The following SYCP1 variants were observed in gnomAD, a reference collection of about 807,000 sequenced individuals.
SYCP1 encodes the protein cancer/testis antigen 8.
Under a neutral mutation model 153.1 loss-of-function variants are expected in SYCP1, and 64 were observed. The observed-to-expected ratio is 0.42, with a 90% CI of 0.34 to 0.51. The LOEUF (loss-of-function observed/expected upper bound fraction) is 0.51. Among genes scored for constraint, SYCP1 ranks in the 20% least tolerant of loss-of-function variants. The pLI is 0.06. For synonymous variants in SYCP1, 384 were observed against 341.8 expected (o/e 1.12, Z -1.36); for missense variants, 997 against 1,049.0 (o/e 0.95, Z 0.68).
At chr1:114,972,834 C>T (rs1488377966) in intron 27 of SYCP1, among the ~76,000 whole-genome samples, 2 of 152,098 alleles carry the variant, frequency 1.3e-5, no homozygotes, top group African/African-American at 4.8e-5. Context: ...GTCCTTAAGA[C>T]TGATTCATGT....
chr1:114,931,268 T>C (rs1371574016), intron 23 of SYCP1, among the ~76,000 whole-genome samples: 1 of 151,938 alleles, frequency 6.6e-6, no homozygotes, highest in East Asian at 1.9e-4. Flanking sequence ...AAAATAAATA[T>C]ATACAAATGA....
chr1:114,974,360 T>C (rs61811050), intron 27 of SYCP1, among the ~76,000 whole-genome samples: 5,980 of 152,002 alleles, frequency 0.039, 173 homozygotes, highest in Middle Eastern at 0.054. Flanking sequence ...TAAAAACATA[T>C]AACATTAAGT....
intron 23 of SYCP1, among the ~76,000 whole-genome samples, chr1:114,930,906 TA>T (rs767185726): frequency 2.1e-4 from 32 of 151,870 alleles, no homozygotes; most frequent in Non-Finnish European, 4.3e-4. Flanking sequence ...TAATACATGA[TA>T]AAAACCATAT....
At chr1:114,864,472 T>G (rs1416395714) in intron 8 of SYCP1, among the ~76,000 whole-genome samples, 2 of 151,978 alleles carry the variant, frequency 1.3e-5, no homozygotes, top group Non-Finnish European at 2.9e-5. Flanking sequence ...CTCAGGATAC[T>G]TTTTTCTTTC....
chr1:114,903,112 G>A lies in SYCP1; in HGVS notation c.1321-7285G>A, dbSNP rs564184493. On this transcript the variant is annotated intron_variant, in intron 16 of 31. Transcript: ENST00000369522. Reference sequence around the variant, plus strand: ...AGAGAATCGCTTGAGCCCGGGAGGCGGAGGTTGCAGTGAGCTGAGATTGAA... The same window carrying A: ...AGAGAATCGCTTGAGCCCGGGAGGCAGAGGTTGCAGTGAGCTGAGATTGAA... Among the ~76,000 whole-genome samples the A allele has an allele frequency of 5.9e-5, 9 of 152,264 alleles. No individual in the cohort carries two copies. In the South Asian group the frequency reaches 1.5e-3, roughly 25 times the overall value.
chr1:114,858,742 T>C (rs201321326), intron 6 of SYCP1, 31 bp downstream of exon 6: 11 of 1,563,174 alleles, frequency 7.0e-6, no homozygotes, highest in Non-Finnish European at 9.6e-6. Flanking sequence ...GTAAACATAG[T>C]ATAGTAAATC....
At chr1:114,988,663 G>A (rs927560042) in intron 30 of SYCP1, among the ~76,000 whole-genome samples, 10 of 151,782 alleles carry the variant, frequency 6.6e-5, no homozygotes, top group African/African-American at 1.9e-4. Context: ...AGTACTAAAG[G>A]GACATCTTCA....
intron 23 of SYCP1, among the ~76,000 whole-genome samples, chr1:114,932,118 C>T (rs940583311): frequency 1.3e-5 from 2 of 152,006 alleles, no homozygotes; most frequent in African/African-American, 2.4e-5. Context: ...CAGAAGAAAA[C>T]GTAGGAGGGT....
intron 8 of SYCP1, among the ~76,000 whole-genome samples, chr1:114,867,374 C>T (rs546129776): frequency 1.3e-5 from 2 of 152,014 alleles, no homozygotes; most frequent in South Asian, 2.1e-4. Flanking sequence ...ATTGAATCTT[C>T]CTATCTATGA....
At chr1:114,856,705 T>A in intron 3 of SYCP1, 48 bp downstream of exon 3, 2 of 1,343,532 alleles carry the variant, frequency 1.5e-6, no homozygotes, top group South Asian at 1.3e-5. Flanking sequence ...AAACATTGTG[T>A]TACATACATC....
At position 114,888,713 on chromosome 1, in the gene SYCP1, T is replaced by G. The variant is rs377031091; in HGVS notation, c.1258+1020T>G. Among the ~76,000 whole-genome samples, 43 of 152,206 alleles carry G rather than the reference T, an allele frequency of 2.8e-4. 1 individual carries two copies. In the East Asian group the frequency reaches 7.7e-3, roughly 27 times the overall value. ...TATACCTATACTTACTTTTTAAAAA[T>G]TATTATTATACTTTAAGTTCTAGGG... On this transcript the variant is annotated intron_variant, in intron 15 of 31. Coordinates refer to ENST00000369522, the MANE Select transcript of SYCP1 (RefSeq NM_003176.4).
intron 27 of SYCP1, among the ~76,000 whole-genome samples, chr1:114,977,024 T>C (rs1672834205): frequency 1.3e-5 from 2 of 151,804 alleles, no homozygotes; most frequent in African/African-American, 4.8e-5. Context: ...TTTTCTTTTA[T>C]CTTACTGAAT....
rs1254580014 is a variant in SYCP1 at position 114,856,616 on chromosome 1, C to T, written c.152C>T (p.Ala51Val). The change falls in exon 3 of 32, where the codon GCA becomes GTA. Residue 51 changes from alanine (A) to valine (V), a missense_variant. By Grantham distance (64) the Ala-to-Val change is moderately conservative (BLOSUM62 0). Coordinates refer to ENST00000369522, the MANE Select transcript of SYCP1 (RefSeq NM_003176.4). ...CTEDDFEFPF[A>V]KTNLSKNGEN... ...GAAGATGATTTTGAGTTTCCATTTG[C>T]AAAGACTAATCTCTCCAAAAATGGG... 3 of 1,611,644 alleles carry T rather than the reference C, an allele frequency of 1.9e-6. No homozygotes were observed. In the East Asian group the frequency reaches 6.7e-5, roughly 36 times the overall value.
chr1:114,951,221 C>T (rs2101846545), intron 27 of SYCP1, among the ~76,000 whole-genome samples: 1 of 152,252 alleles, frequency 6.6e-6, no homozygotes, highest in East Asian at 1.9e-4. Flanking sequence ...CCCAGAATAA[C>T]TTTTATCTAT....
chr1:114,955,338 G>C (rs1203236041), intron 27 of SYCP1, among the ~76,000 whole-genome samples: 1 of 151,940 alleles, frequency 6.6e-6, no homozygotes, highest in Non-Finnish European at 1.5e-5. Context: ...TTTTGTTGAG[G>C]ATTTAAAATA....
intron 25 of SYCP1, among the ~76,000 whole-genome samples, chr1:114,945,234 T>C (rs1197528840): frequency 2.0e-5 from 3 of 152,058 alleles, no homozygotes; most frequent in Admixed American, 2.0e-4. Flanking sequence ...AAGTAATCAC[T>C]CTTTTTCTGG....
chr1:114,897,986 G>A (rs1667177166), intron 16 of SYCP1, among the ~76,000 whole-genome samples: 1 of 152,172 alleles, frequency 6.6e-6, no homozygotes. Context: ...AGTAGCCTTT[G>A]AATTCCCTAG....
At chr1:114,884,609 A>G (rs1441094317) in intron 12 of SYCP1, among the ~76,000 whole-genome samples, 1 of 152,202 alleles carries the variant, frequency 6.6e-6, no homozygotes. Flanking sequence ...AGTTTCTACC[A>G]TATATCACCA....
chr1:114,895,474 A>G lies in SYCP1; in HGVS notation c.1285A>G (p.Lys429Glu). 1 of 1,532,164 alleles carries G rather than the reference A, an allele frequency of 6.5e-7. No homozygotes were observed. The allele number at this position is 1,532,164 out of a possible 1,614,324, so 94.9% of individuals were successfully genotyped here. Residue 429 changes from lysine (K) to glutamate (E), a missense_variant, in exon 16 of 32, where the codon AAA (lysine) becomes GAA (glutamate). Around this residue, in one of 2 missense-constraint regions of SYCP1, gnomAD observed 712 missense variants for 682.9 expected, o/e 1.04. Transcript: ENST00000369522. ...LEEMTKLTNNKEVELEELKKV... is the reference protein window; with the variant it reads ...LEEMTKLTNNEEVELEELKKV... ...AGAGATGACTAAGCTTACAAATAACAAAGAAGTAGAACTTGAAGAATTGAA... is the reference window on the plus strand; with the variant it reads ...AGAGATGACTAAGCTTACAAATAACGAAGAAGTAGAACTTGAAGAATTGAA...
Sources: allele counts gnomAD v4.1 joint callset (sites outside exome capture counted in the v4.1 genomes callset), GRCh38; gene constraint gnomAD v4.1.1; regional missense constraint gnomAD v4.1.1; transcripts MANE v1.5; gene names NCBI Gene and HGNC (gene_info 2026-07-23, HGNC 2026-07-21).